ULK4: variants seen among roughly 807,000 people sequenced by gnomAD.
ULK4 encodes unc-51 like kinase 4, also known as inactive serine/threonine-protein kinase ULK4.
Under a neutral mutation model 160.6 loss-of-function variants are expected in ULK4, and 133 were observed. That is an observed-to-expected ratio of 0.83 (90% CI 0.72 to 0.96). The LOEUF (loss-of-function observed/expected upper bound fraction) is 0.96. ULK4 is among the 40% of genes least tolerant of loss of function. The probability of loss-of-function intolerance (pLI) is 0.00; values close to 1 mark genes in which losing one functional copy is unlikely to be tolerated. For missense variants in ULK4, 1,580 were observed against 1,499.5 expected (o/e 1.05, Z -0.89); for synonymous variants, 534 against 539.8 (o/e 0.99, Z 0.15).
intron 34 of ULK4, 126 bp from the exon 35 acceptor site, chr3:41,398,390 T>A: frequency 7.1e-6 from 3 of 420,548 alleles, no homozygotes; most frequent in Non-Finnish European, 9.6e-6. Flanking sequence ...CTTTTTTACT[T>A]TTTTTTTTTT....
chr3:41,581,494 C>T (rs899239353), intron 31 of ULK4, among the ~76,000 whole-genome samples: 13 of 152,150 alleles, frequency 8.5e-5, no homozygotes, highest in Admixed American at 2.0e-4. Context: ...GTTGGTTTTT[C>T]ATCATTTTGA....
intron 32 of ULK4, among the ~76,000 whole-genome samples, chr3:41,519,574 G>A (rs1017369234): frequency 3.3e-5 from 5 of 152,214 alleles, no homozygotes; most frequent in Non-Finnish European, 7.3e-5. Context: ...TAGGGAATTT[G>A]AATTTGAAGC....
intron 34 of ULK4, among the ~76,000 whole-genome samples, chr3:41,452,622 T>C (rs1036172381): frequency 6.6e-6 from 1 of 152,202 alleles, no homozygotes; most frequent in Non-Finnish European, 1.5e-5. Flanking sequence ...AACAGAAGTG[T>C]AAAATATTTT....
intron 27 of ULK4, among the ~76,000 whole-genome samples, chr3:41,682,994 A>G (rs1241646576): frequency 1.3e-5 from 2 of 152,174 alleles, no homozygotes; most frequent in African/African-American, 4.8e-5. Flanking sequence ...AGCTTGTCAG[A>G]AGATGAATAC....
chr3:41,750,363 A>G (rs2038577991), intron 22 of ULK4, among the ~76,000 whole-genome samples: 1 of 152,202 alleles, frequency 6.6e-6, no homozygotes, highest in Admixed American at 6.5e-5. Context: ...ACATTCAACC[A>G]GAAGATTACT....
intron 32 of ULK4, among the ~76,000 whole-genome samples, chr3:41,549,118 A>G (rs1477620238): frequency 6.6e-6 from 1 of 152,202 alleles, no homozygotes; most frequent in Non-Finnish European, 1.5e-5. Context: ...ATATCAACAT[A>G]AGGACATAAG....
At chr3:41,778,024 G>A (rs1220225966) in intron 21 of ULK4, among the ~76,000 whole-genome samples, 42 of 128,834 alleles carry the variant, frequency 3.3e-4, no homozygotes, top group Non-Finnish European at 3.2e-5. Flanking sequence ...ATTCAATTAG[G>A]AAAAGAGGAA....
intron 32 of ULK4, among the ~76,000 whole-genome samples, chr3:41,524,254 G>T (rs531727248): frequency 1.3e-5 from 2 of 152,278 alleles, no homozygotes; most frequent in African/African-American, 4.8e-5. Flanking sequence ...GAACTGTGTG[G>T]TATGTGATAT....
chr3:41,662,014 C>T lies in ULK4; in HGVS notation c.3071+1593G>A, dbSNP rs1036504392. ...AAAGTTACATTTAAAAAAGTAATTG[C>T]AATCTGTTCAATCTAATGAAAGGAT... On this transcript the variant is annotated intron_variant, in intron 30 of 36. Transcript: ENST00000301831. Among the ~76,000 whole-genome samples the T allele has an allele frequency of 4.6e-5, 7 of 152,106 alleles. No individual in the cohort carries two copies. The South Asian group carries it at 1.5e-3, about 32-fold the overall frequency.
chr3:41,360,372 C>T (rs2081117631), intron 35 of ULK4, among the ~76,000 whole-genome samples: 3 of 152,140 alleles, frequency 2.0e-5, no homozygotes, highest in South Asian at 4.1e-4. Context: ...TCCTCAAAGA[C>T]CTGGAGGCAG....
chr3:41,790,755 G>A (rs574520681), intron 20 of ULK4, among the ~76,000 whole-genome samples: 2 of 152,252 alleles, frequency 1.3e-5, no homozygotes, highest in East Asian at 3.9e-4. Context: ...ATCTAGAAAA[G>A]CAAGCTGGAG....
intron 32 of ULK4, among the ~76,000 whole-genome samples, chr3:41,502,622 A>G (rs1013425648): frequency 2.0e-5 from 3 of 152,272 alleles, no homozygotes; most frequent in Non-Finnish European, 2.9e-5. Context: ...CAAAAGAACA[A>G]TACTATTGAT....
intron 17 of ULK4, among the ~76,000 whole-genome samples, chr3:41,845,126 C>T (rs981077698): frequency 3.3e-5 from 5 of 152,102 alleles, no homozygotes; most frequent in East Asian, 1.9e-4. Flanking sequence ...CCACCACGCC[C>T]GGCTAATTTT....
intron 30 of ULK4, among the ~76,000 whole-genome samples, chr3:41,621,535 T>C (rs2033245026): frequency 6.6e-6 from 1 of 152,222 alleles, no homozygotes; most frequent in African/African-American, 2.4e-5. Context: ...ATTTAATAAA[T>C]GGTGCTTGGA....
At chr3:41,504,930 C>T (rs1283378852) in intron 32 of ULK4, among the ~76,000 whole-genome samples, 1 of 152,072 alleles carries the variant, frequency 6.6e-6, no homozygotes, top group Non-Finnish European at 1.5e-5. Flanking sequence ...CATCTATATA[C>T]CAATATTAAC....
chr3:41,932,161 G>T (rs1373678515), intron 4 of ULK4, among the ~76,000 whole-genome samples, 155 bp from the exon 5 acceptor site: 1 of 151,972 alleles, frequency 6.6e-6, no homozygotes, highest in Non-Finnish European at 1.5e-5. Context: ...AAAAGCTAAA[G>T]AAAAATAAAT....
rs1646621076 is a variant in ULK4, at chr3:41,420,471, CTTTCTTTTT to C, written c.3493-22216_3493-22208del. On this transcript the variant is annotated intron_variant, in intron 34 of 36. Transcript: ENST00000301831. ...TAAGGGATTTTTCAGTTTTCCAGTT[CTTTCTTTTT>C]TTTTTTTTTTTTTTTTTTTTGAGAT... is the stretch of plus-strand genomic sequence containing the variant. Among the ~76,000 whole-genome samples, 4 of 63,242 alleles carry C rather than the reference CTTTCTTTTT, an allele frequency of 6.3e-5. No individual in the cohort carries two copies. The East Asian group carries it at 1.2e-3, about 19-fold the overall frequency. 41.5% of individuals were successfully genotyped at this position (63,242 alleles called of 152,430 possible).
chr3:41,826,900 T>C (rs1372139914), intron 18 of ULK4, among the ~76,000 whole-genome samples: 4 of 142,688 alleles, frequency 2.8e-5, no homozygotes, highest in Non-Finnish European at 3.0e-5. Flanking sequence ...AGTGACCACA[T>C]AGTTGGAAGT....
intron 32 of ULK4, among the ~76,000 whole-genome samples, chr3:41,487,859 G>T (rs992183882): frequency 6.6e-5 from 10 of 152,186 alleles, no homozygotes; most frequent in African/African-American, 2.4e-4. Context: ...TATAACATGT[G>T]TAAATATCCC....
Sources: allele counts gnomAD v4.1 joint callset (sites outside exome capture counted in the v4.1 genomes callset), GRCh38; gene constraint gnomAD v4.1.1; transcripts MANE v1.5; gene names NCBI Gene and HGNC (gene_info 2026-07-23, HGNC 2026-07-21).